CASQ2: variants seen among roughly 807,000 people sequenced by gnomAD.
The protein encoded by CASQ2 is calsequestrin 2, also known as calsequestrin-2.
CASQ2 carries 49 observed loss-of-function variants against 46.5 expected under a neutral mutation model. The observed-to-expected ratio is 1.05, with a 90% CI of 0.84 to 1.34. The LOEUF (loss-of-function observed/expected upper bound fraction) is 1.34. CASQ2 is among the 40% of genes most tolerant of loss of function. The probability of loss-of-function intolerance (pLI) is 0.00; values close to 1 mark genes in which losing one functional copy is unlikely to be tolerated. For synonymous variants in CASQ2, 174 were observed against 168.5 expected (o/e 1.03, Z -0.25); for missense variants, 486 against 481.3 (o/e 1.01, Z -0.09).
At chr1:115,745,332 G>A (rs1648351537) in intron 1 of CASQ2, among the ~76,000 whole-genome samples, 1 of 151,922 alleles carries the variant, frequency 6.6e-6, no homozygotes, top group South Asian at 2.1e-4. Flanking sequence ...GAATAAAGGA[G>A]GCCTATGTCC....
At chr1:115,767,000 G>A (rs1649159685) in intron 1 of CASQ2, among the ~76,000 whole-genome samples, 1 of 152,072 alleles carries the variant, frequency 6.6e-6, no homozygotes, top group South Asian at 2.1e-4. Context: ...CCACCCAAAG[G>A]CATTCTTTTG....
chr1:115,765,953 A>C (rs868645888), intron 1 of CASQ2, among the ~76,000 whole-genome samples: 2 of 152,202 alleles, frequency 1.3e-5, no homozygotes, highest in Non-Finnish European at 2.9e-5. Flanking sequence ...GAAAGTTTAA[A>C]GGCATGTTCG....
chr1:115,743,763 G>T (rs578074118), intron 2 of CASQ2, among the ~76,000 whole-genome samples: 1 of 65,906 alleles, frequency 1.5e-5, no homozygotes, highest in Non-Finnish European at 5.7e-5. Flanking sequence ...TTTATAACCC[G>T]CTATTTTTTT....
chr1:115,730,367 C>G (rs1647744147), intron 5 of CASQ2, among the ~76,000 whole-genome samples: 1 of 152,172 alleles, frequency 6.6e-6, no homozygotes, highest in Admixed American at 6.5e-5. Context: ...TTTGAACTTT[C>G]TGTCTTTCCA....
intron 1 of CASQ2, among the ~76,000 whole-genome samples, chr1:115,767,318 A>G (rs1649167751): frequency 6.6e-6 from 1 of 152,168 alleles, no homozygotes; most frequent in African/African-American, 2.4e-5. Context: ...CTTTTGATGT[A>G]TTTGGGATAG....
intron 7 of CASQ2, among the ~76,000 whole-genome samples, chr1:115,722,276 A>C (rs937283968): frequency 6.6e-6 from 1 of 152,242 alleles, no homozygotes; most frequent in African/African-American, 2.4e-5. Flanking sequence ...AGAACAATTC[A>C]ATATGCAATA....
chr1:115,709,638 C>G (rs1654479943), intron 8 of CASQ2, among the ~76,000 whole-genome samples: 1 of 152,190 alleles, frequency 6.6e-6, no homozygotes, highest in Non-Finnish European at 1.5e-5. Flanking sequence ...ATTCCAAACT[C>G]CAGGTAGATG....
chr1:115,754,426 A>G (rs1484125785), intron 1 of CASQ2, among the ~76,000 whole-genome samples: 1 of 152,186 alleles, frequency 6.6e-6, no homozygotes, highest in Non-Finnish European at 1.5e-5. Context: ...CTGAGAGGCT[A>G]TATAACAACA....
At position 115,768,451 on chromosome 1, in the gene CASQ2, T is replaced by C. The variant is rs1649204915; in HGVS notation, c.91A>G (p.Lys31Glu). 7 of 1,613,728 alleles carry C rather than the reference T, an allele frequency of 4.3e-6. No individual in the cohort carries two copies. The highest frequency in any genetic ancestry group is 5.1e-6 in the Non-Finnish European group (6 of 1,179,734). The stretch of plus-strand genomic sequence containing the variant: ...TCGGAAAGACTTACCACTCGGTCCT[T>C]CCCATCATATGTGGGGAAATTAAGC... ...EGLNFPTYDG[K>E]DRVVSLSEKN... Residue 31 changes from lysine to glutamate, a missense_variant, in exon 1 of 11, where the codon AAG becomes GAG. Transcript: ENST00000261448.
intron 8 of CASQ2, among the ~76,000 whole-genome samples, chr1:115,708,637 G>A (rs1372939985): frequency 6.6e-6 from 1 of 152,200 alleles, no homozygotes; most frequent in Non-Finnish European, 1.5e-5. Flanking sequence ...TATCTCTGAA[G>A]CACTTGGACA....
At chr1:115,716,480 T>C (rs923403399) in intron 8 of CASQ2, among the ~76,000 whole-genome samples, 10 of 152,204 alleles carry the variant, frequency 6.6e-5, no homozygotes, top group African/African-American at 1.9e-4. Context: ...AGAATTGTGG[T>C]TGATATAGGC....
chr1:115,703,094 T>G, intron 9 of CASQ2, 99 bp from the exon 10 acceptor site: 1 of 919,720 alleles, frequency 1.1e-6, no homozygotes, highest in East Asian at 2.6e-5. Context: ...CACCATTGGT[T>G]AAAGGTCTTC....
At chr1:115,756,820 G>A (rs146307002) in intron 1 of CASQ2, among the ~76,000 whole-genome samples, 4,757 of 152,166 alleles carry the variant, frequency 0.031, 292 homozygotes, top group African/African-American at 0.11. Context: ...GGTGGCACAC[G>A]CCTGTAGTCT....
At chr1:115,725,294 C>A (rs1020196744) in intron 7 of CASQ2, among the ~76,000 whole-genome samples, 7 of 152,096 alleles carry the variant, frequency 4.6e-5, no homozygotes, top group African/African-American at 7.2e-5. Flanking sequence ...TCTCAGACAC[C>A]TGAACTCAAG....
chr1:115,761,817 G>A (rs1006275581), intron 1 of CASQ2, among the ~76,000 whole-genome samples: 13 of 151,618 alleles, frequency 8.6e-5, no homozygotes, highest in South Asian at 4.2e-4. Context: ...ATCCCTCTCC[G>A]CTACAGGGCT....
chr1:115,752,163 G>A (rs1648605616), intron 1 of CASQ2, among the ~76,000 whole-genome samples: 1 of 152,174 alleles, frequency 6.6e-6, no homozygotes, highest in Non-Finnish European at 1.5e-5. Flanking sequence ...CTTGAAGTCT[G>A]CATTTAAATG....
In CASQ2 at chr1:115,743,672, A is replaced by T. The variant is rs533759523; in HGVS notation, c.319+1156T>A. Among the ~76,000 whole-genome samples, 78 of 145,008 alleles carry T rather than the reference A, an allele frequency of 5.4e-4. 1 individual carries two copies. The highest frequency in any genetic ancestry group is 1.8e-3 in the African/African-American group (73 of 40,138). On this transcript the variant is annotated intron_variant, in intron 2 of 10. Transcript: ENST00000261448. The stretch of plus-strand genomic sequence containing the variant: ...GACTTTTATGTACCTGAAAGTATTC[A>T]CTGAGCCACCACTAATCTTTTTTTT...
At chr1:115,765,709 G>C (rs747736589) in intron 1 of CASQ2, among the ~76,000 whole-genome samples, 2 of 152,064 alleles carry the variant, frequency 1.3e-5, no homozygotes, top group African/African-American at 2.4e-5. Context: ...AGTCGGTTAT[G>C]ATAAAAAGTG....
intron 1 of CASQ2, among the ~76,000 whole-genome samples, chr1:115,760,481 A>G (rs944864674): frequency 2.6e-5 from 4 of 152,200 alleles, no homozygotes; most frequent in African/African-American, 7.2e-5. Context: ...AGGTGCAATC[A>G]TAACACACTG....
Sources: allele counts gnomAD v4.1 joint callset (sites outside exome capture counted in the v4.1 genomes callset), GRCh38; gene constraint gnomAD v4.1.1; transcripts MANE v1.5; gene names NCBI Gene and HGNC (gene_info 2026-07-23, HGNC 2026-07-21).